OR2V1: variants seen among roughly 807,000 people sequenced by gnomAD.
The protein encoded by OR2V1 is olfactory receptor 2V1.
A neutral mutation model predicts 15.0 loss-of-function variants in OR2V1; 18 were observed. That is an observed-to-expected ratio of 1.20 (90% CI 0.83 to 1.78). OR2V1 has a LOEUF of 1.78. Ranked by LOEUF, OR2V1 falls within the 40% of genes most tolerant of loss-of-function variation. The pLI is 0.00. For synonymous variants in OR2V1, 144 were observed against 146.1 expected (o/e 0.99, Z 0.10); for missense variants, 359 against 392.9 (o/e 0.91, Z 0.73).
Position 181,125,318 on chromosome 5 carries a change from A to G in OR2V1, c.-14T>C, listed in dbSNP as rs1322293618. The G allele has an allele frequency of 6.2e-7, 1 of 1,603,006 alleles. No homozygotes were observed. The highest frequency in any genetic ancestry group is 2.2e-5 in the East Asian group (1 of 44,742). Reference sequence around the variant, plus strand: ...CCATCTTCCCATGGCTTAGTTGTTCACTGTCACCTGAGAACATAAGAGAAA... The same window carrying G: ...CCATCTTCCCATGGCTTAGTTGTTCGCTGTCACCTGAGAACATAAGAGAAA... On this transcript the variant is annotated 5_prime_UTR_variant, in exon 4 of 4. Coordinates refer to ENST00000641551, the MANE Select transcript of OR2V1 (RefSeq NM_001258283.2).
In OR2V1 at chr5:181,123,581, G is replaced by T. The variant is rs1561622216; in HGVS notation, c.*776C>A. ...CTGCATCGATCTCAGTGAGCAGAGG[G>T]CTGACTTTGAAAGAATGGGAGGCAG... On this transcript the variant is annotated 3_prime_UTR_variant, in exon 4 of 4. Transcript: ENST00000641551. 6.6e-6 allele frequency: 1 copy of T among 152,234 alleles called. No homozygotes were observed. Among genetic ancestry groups the T allele is most frequent in the Non-Finnish European group, 1.5e-5 (1 of 68,070 alleles). 9.4% of individuals were successfully genotyped at this position (152,234 alleles called of 1,614,324 possible).
At chr5:181,126,915 C>A (rs1211232008) in intron 3 of OR2V1, among the ~76,000 whole-genome samples, 1 of 152,234 alleles carries the variant, frequency 6.6e-6, no homozygotes, top group East Asian at 1.9e-4. Context: ...GGGCCTGGTG[C>A]CCGCACCTCC....
intron 3 of OR2V1, among the ~76,000 whole-genome samples, chr5:181,127,862 C>T (rs1478167750): frequency 6.6e-6 from 1 of 151,832 alleles, no homozygotes; most frequent in Non-Finnish European, 1.5e-5. Context: ...ACCACCGTGT[C>T]CAGAGGCACC....
chr5:181,125,732 T>A (rs1762864331), intron 3 of OR2V1, among the ~76,000 whole-genome samples: 1 of 152,230 alleles, frequency 6.6e-6, no homozygotes, highest in Non-Finnish European at 1.5e-5. Flanking sequence ...ACGCCTGTAA[T>A]CCCAGCACTC....
Position 181,125,779 on chromosome 5 carries a change from A to G in OR2V1, c.-21-454T>C, listed in dbSNP as rs372514696. On this transcript the variant is annotated intron_variant, in intron 3 of 3. Transcript: ENST00000641551. Reference sequence around the variant, plus strand: ...GGCGGGTGGATCACCTGAGGTTGGGAGTTCAAGACCAGCCTGACCAACATG... The same window carrying G: ...GGCGGGTGGATCACCTGAGGTTGGGGGTTCAAGACCAGCCTGACCAACATG... Among the ~76,000 whole-genome samples the G allele has an allele frequency of 1.1e-4, 16 of 152,296 alleles. No individual in the cohort carries two copies. The East Asian group carries it at 3.1e-3, about 29-fold the overall frequency.
chr5:181,125,446 G>T, intron 3 of OR2V1, 121 bp from the exon 4 acceptor site: 1 of 718,206 alleles, frequency 1.4e-6, no homozygotes, highest in Non-Finnish European at 2.3e-6. Flanking sequence ...TGTGACACAG[G>T]TGACAGGACC....
intron 3 of OR2V1, among the ~76,000 whole-genome samples, chr5:181,128,773 G>A (rs1455246896): frequency 6.6e-6 from 1 of 152,142 alleles, no homozygotes; most frequent in African/African-American, 2.4e-5. Flanking sequence ...AGGCATATAT[G>A]CAAGGCAGGC....
In OR2V1 at chr5:181,125,024, G is replaced by A. The variant is rs1451641023; in HGVS notation, c.281C>T (p.Ser94Phe). Residue 94 changes from serine to phenylalanine, a missense_variant, in exon 4 of 4, where the codon TCC becomes TTC. By Grantham distance (155) the Ser-to-Phe change is radical. Coordinates refer to ENST00000641551, the MANE Select transcript of OR2V1 (RefSeq NM_001258283.2). ...ANFLSGRKSI[S>F]FVGCGIQIGF... ...AATTTGTATGCCACAGCCCACAAAG[G>A]AGATGGACTTCCTGCCAGACAGGAA... 3 of 1,614,096 alleles carry A rather than the reference G, an allele frequency of 1.9e-6. No homozygotes were observed. The East Asian group carries it at 6.7e-5, about 36-fold the overall frequency.
rs1429581804 is a variant in OR2V1, at chr5:181,123,825, T to C, written c.*532A>G. ...GCAAAGAACTGTCCAAAAAGAGTTA[T>C]AGGGACTCAATTTCTGCCATTTAGA... On this transcript the variant is annotated 3_prime_UTR_variant, in exon 4 of 4. Transcript: ENST00000641551. The C allele has an allele frequency of 6.6e-6, 1 of 152,298 alleles. No homozygotes were observed. Among genetic ancestry groups the C allele is most frequent in the African/African-American group, 2.4e-5 (1 of 41,468 alleles). 9.4% of individuals were successfully genotyped at this position (152,298 alleles called of 1,614,324 possible). A position where few individuals can be genotyped will look rare whatever the true frequency, so the allele number is the denominator to read the frequency against.
intron 3 of OR2V1, 117 bp from the exon 4 acceptor site, chr5:181,125,442 A>G: frequency 1.4e-6 from 1 of 725,474 alleles, no homozygotes; most frequent in Non-Finnish European, 2.2e-6. Flanking sequence ...TTCCTGTGAC[A>G]CAGGTGACAG....
Position 181,124,715 on chromosome 5 carries a change from T to A in OR2V1, c.590A>T (p.Asp197Val), listed in dbSNP as rs559196058. The change falls in exon 4 of 4, where the codon GAC becomes GTC. Residue 197 changes from aspartate to valine, a missense_variant. Asp to Val is a radical substitution (Grantham distance 152). Coordinates refer to ENST00000641551, the MANE Select transcript of OR2V1 (RefSeq NM_001258283.2). ...KLACADTSLF[D>V]TLLFACCVFM... ...GACACAGCAAGCAAAGAGGAGGGTG[T>A]CAAAAAGGGAAGTGTCTGCACAGGC... 8 of 1,611,398 alleles carry A rather than the reference T, an allele frequency of 5.0e-6. No individual in the cohort carries two copies. The African/African-American group carries it at 1.1e-4, about 22-fold the overall frequency.
chr5:181,125,310 A>T lies in OR2V1; in HGVS notation c.-6T>A. ...TGGTTCACCCATCTTCCCATGGCTT[A>T]GTTGTTCACTGTCACCTGAGAACAT... On this transcript the variant is annotated 5_prime_UTR_variant, in exon 4 of 4. It removes the in-frame stop codon of an upstream open reading frame in the 5' UTR. Coordinates refer to ENST00000641551, the MANE Select transcript of OR2V1 (RefSeq NM_001258283.2). The T allele has an allele frequency of 6.2e-7, 1 of 1,608,178 alleles. No individual in the cohort carries two copies. Among genetic ancestry groups the T allele is most frequent in the African/African-American group, 1.3e-5 (1 of 74,958 alleles).
chr5:181,131,161 C>T lies in OR2V1; in HGVS notation c.-232G>A, dbSNP rs1349177086. 1 of 152,282 alleles carries T rather than the reference C, an allele frequency of 6.6e-6. No homozygotes were observed. The highest frequency in any genetic ancestry group is 1.5e-5 in the Non-Finnish European group (1 of 68,122). 9.4% of individuals were successfully genotyped at this position (152,282 alleles called of 1,614,324 possible). On this transcript the variant is annotated 5_prime_UTR_variant, in exon 1 of 4. Transcript: ENST00000641551. ...GGCTGCTGGGGATGGGGCTGAAGTCCACGGTTCTGATGCTGCCACTGCCTT... is the reference window on the plus strand; with the variant it reads ...GGCTGCTGGGGATGGGGCTGAAGTCTACGGTTCTGATGCTGCCACTGCCTT...
At position 181,124,475 on chromosome 5, in the gene OR2V1, A is replaced by G; in HGVS notation, c.830T>C (p.Ile277Thr). 6.2e-7 allele frequency: 1 copy of G among 1,613,982 alleles called. No homozygotes were observed. The highest frequency in any genetic ancestry group is 8.5e-7 in the Non-Finnish European group (1 of 1,179,972). ...CATGGGAGTAAGGACTGTGTAGAAGATAGAGGCCACCTTGTCATGGCTAGG... is the reference window on the plus strand; with the variant it reads ...CATGGGAGTAAGGACTGTGTAGAAGGTAGAGGCCACCTTGTCATGGCTAGG... ...RAPSHDKVAS[I>T]FYTVLTPMLN... The change falls in exon 4 of 4, where the codon ATC becomes ACC. Residue 277 changes from isoleucine (I) to threonine (T), a missense_variant. Transcript: ENST00000641551.
Position 181,124,559 on chromosome 5 carries a change from A to G in OR2V1, c.746T>C (p.Val249Ala). Residue 249 changes from valine (V) to alanine (A), a missense_variant, in exon 4 of 4, where the codon GTC (valine) becomes GCC (alanine). By Grantham distance (64) the Val-to-Ala change is moderately conservative (BLOSUM62 0). Transcript: ENST00000641551. ...LATCSSHLTA[V>A]TLFYGAAMFM... ...CATGGCTGCCCCATAGAAGAGGGTG[A>G]CAGCTGTTAGGTGGGAGGAGCAGGT... 1 of 1,613,210 alleles carries G rather than the reference A, an allele frequency of 6.2e-7. No homozygotes were observed. Among genetic ancestry groups the G allele is most frequent in the Non-Finnish European group, 8.5e-7 (1 of 1,179,516 alleles).
In OR2V1 at chr5:181,124,498, A is replaced by G. The variant is rs766908302; in HGVS notation, c.807T>C (p.Pro269=). 7.1e-5 allele frequency: 115 copies of G among 1,613,956 alleles called. 1 individual carries two copies. The South Asian group carries it at 8.9e-4, about 12-fold the overall frequency. ...AGATAGAGGCCACCTTGTCATGGCT[A>G]GGGGCCCGGTAGCGCCTAGGCCTCA... The part of the protein sequence containing the change: ...MYLRPRRYRA[P]SHDKVASIFY... The change falls in exon 4 of 4, where the codon CCT becomes CCC. Residue 269 remains proline (P), a synonymous_variant. Transcript: ENST00000641551.
At chr5:181,125,350 G>C (rs1268778467) in intron 3 of OR2V1, 25 bp from the exon 4 acceptor site, 3 of 1,537,490 alleles carry the variant, frequency 2.0e-6, no homozygotes, top group Non-Finnish European at 2.7e-6. Flanking sequence ...GAAATTATAA[G>C]ATTGAGTGAC....
At chr5:181,127,531 G>A (rs1216567030) in intron 3 of OR2V1, among the ~76,000 whole-genome samples, 3 of 152,076 alleles carry the variant, frequency 2.0e-5, no homozygotes, top group Non-Finnish European at 2.9e-5. Flanking sequence ...GCTGCTCCAC[G>A]GGACACCACG....
At chr5:181,125,447 T>G (rs1327313962) in intron 3 of OR2V1, 122 bp from the exon 4 acceptor site, 9 of 706,188 alleles carry the variant, frequency 1.3e-5, no homozygotes, top group Non-Finnish European at 2.1e-5. Context: ...GTGACACAGG[T>G]GACAGGACCT....
Sources: gnomAD v4.1 joint callset for allele counts (sites outside exome capture counted in the v4.1 genomes callset) on GRCh38, gnomAD v4.1.1 for gene constraint, MANE v1.5 for transcripts, NCBI Gene and HGNC (gene_info 2026-07-23, HGNC 2026-07-21) for gene names.